Variants in CYB5R4 observed in about 807,000 individuals in gnomAD.
The protein encoded by CYB5R4 is cytochrome b5 reductase 4.
CYB5R4 carries 55 observed loss-of-function variants against 70.2 expected under a neutral mutation model. That is an observed-to-expected ratio of 0.78 (90% confidence interval 0.63 to 0.98). The LOEUF is 0.98. CYB5R4 is among the 50% of genes least tolerant of loss of function. The probability of loss-of-function intolerance (pLI) is 0.00; values close to 1 mark genes in which losing one functional copy is unlikely to be tolerated. For synonymous variants in CYB5R4, 197 were observed against 199.5 expected (o/e 0.99, Z 0.11); for missense variants, 562 against 612.6 (o/e 0.92, Z 0.87).
chr6:83,949,716 G>A (rs1462932368), intron 14 of CYB5R4, among the ~76,000 whole-genome samples: 4 of 152,162 alleles, frequency 2.6e-5, no homozygotes, highest in Non-Finnish European at 4.4e-5. Flanking sequence ...CTTGTCCGCA[G>A]AGTTTATCTA....
intron 3 of CYB5R4, among the ~76,000 whole-genome samples, chr6:83,896,016 C>T (rs781205224): frequency 3.9e-5 from 6 of 152,138 alleles, no homozygotes; most frequent in African/African-American, 9.7e-5. Flanking sequence ...TACTTCAACT[C>T]ATTATGCCCT....
chr6:83,885,567 A>T (rs1416644951), intron 2 of CYB5R4, among the ~76,000 whole-genome samples: 2 of 152,236 alleles, frequency 1.3e-5, no homozygotes, highest in Non-Finnish European at 2.9e-5. Context: ...TCTGGAAGAT[A>T]GATTAGTAGG....
chr6:83,947,994 A>G (rs568517214), intron 14 of CYB5R4, among the ~76,000 whole-genome samples: 4 of 152,342 alleles, frequency 2.6e-5, no homozygotes, highest in Admixed American at 2.6e-4. Context: ...CAGAAATACC[A>G]TTTGACCCAG....
intron 2 of CYB5R4, among the ~76,000 whole-genome samples, chr6:83,892,371 G>A (rs2099461239): frequency 6.6e-6 from 1 of 152,066 alleles, no homozygotes; most frequent in South Asian, 2.1e-4. Context: ...TAAGTTATCT[G>A]AGGTTATTTA....
At chr6:83,860,403 C>T (rs2099455747) in intron 1 of CYB5R4, among the ~76,000 whole-genome samples, 1 of 152,106 alleles carries the variant, frequency 6.6e-6, no homozygotes, top group South Asian at 2.1e-4. Context: ...TCCTCTGGTA[C>T]CTGATTGTTT....
At chr6:83,913,016 A>G (rs1215606446) in intron 4 of CYB5R4, among the ~76,000 whole-genome samples, 2 of 152,182 alleles carry the variant, frequency 1.3e-5, no homozygotes, top group South Asian at 2.1e-4. Context: ...ACCTGGGACA[A>G]TTTTTCAAAA....
At chr6:83,944,503 G>A in intron 14 of CYB5R4, among the ~76,000 whole-genome samples, 1 of 152,130 alleles carries the variant, frequency 6.6e-6, no homozygotes. Context: ...AAAGACCATT[G>A]AAACTATGAA....
chr6:83,910,011 G>A, intron 4 of CYB5R4: 2 of 1,608,216 alleles, frequency 1.2e-6, no homozygotes, highest in Non-Finnish European at 1.7e-6. Context: ...TGGTATTAGT[G>A]GCACATACAT....
chr6:83,951,505 A>G (rs909408889), intron 14 of CYB5R4, among the ~76,000 whole-genome samples: 3 of 151,608 alleles, frequency 2.0e-5, no homozygotes, highest in African/African-American at 7.3e-5. Context: ...TTATTGTTCA[A>G]CTCCCACTTA....
Position 83,960,084 on chromosome 6 carries a change from C to T in CYB5R4, c.*206C>T, listed in dbSNP as rs1183445033. 2.5e-6 allele frequency: 1 copy of T among 398,662 alleles called. No individual in the cohort carries two copies. Among genetic ancestry groups the T allele is most frequent in the East Asian group, 4.4e-5 (1 of 22,768 alleles). The allele number at this position is 398,662 out of a possible 1,614,324, so 24.7% of individuals were successfully genotyped here. On this transcript the variant is annotated 3_prime_UTR_variant, in exon 16 of 16. Transcript: ENST00000369681. ...ACTTATTTTACTACTGATATTTGAC[C>T]TGGAAAGTTAATCATGGCAACAAAT...
chr6:83,921,035 G>A, intron 7 of CYB5R4, 47 bp from the exon 8 acceptor site: 1 of 1,351,712 alleles, frequency 7.4e-7, no homozygotes, highest in Non-Finnish European at 9.9e-7. Context: ...AGAAGTTTGG[G>A]GGAAAATTTT....
chr6:83,943,484 G>T (rs2099470083), intron 14 of CYB5R4, among the ~76,000 whole-genome samples: 1 of 152,102 alleles, frequency 6.6e-6, no homozygotes, highest in African/African-American at 2.4e-5. Context: ...AAGACCAAAG[G>T]TAGATAAATC....
At chr6:83,928,388 C>CA (rs1320580792) in intron 10 of CYB5R4, among the ~76,000 whole-genome samples, 1 of 152,134 alleles carries the variant, frequency 6.6e-6, no homozygotes, top group African/African-American at 2.4e-5. Context: ...ACAAACTAAA[C>CA]ATGTTTTGTG....
At chr6:83,867,442 C>T (rs1478337192) in intron 2 of CYB5R4, among the ~76,000 whole-genome samples, 1 of 152,144 alleles carries the variant, frequency 6.6e-6, no homozygotes, top group Non-Finnish European at 1.5e-5. Flanking sequence ...GCAGTGTGTA[C>T]TCTTGAAGGG....
At chr6:83,895,467 G>A (rs1160000547) in intron 3 of CYB5R4, among the ~76,000 whole-genome samples, 2 of 152,052 alleles carry the variant, frequency 1.3e-5, no homozygotes, top group African/African-American at 2.4e-5. Context: ...CGCCTGGCCT[G>A]GTATTTGTTA....
intron 2 of CYB5R4, among the ~76,000 whole-genome samples, chr6:83,875,438 C>T (rs767232717): frequency 2.6e-5 from 4 of 152,092 alleles, no homozygotes; most frequent in Non-Finnish European, 5.9e-5. Context: ...AGGACCACCA[C>T]CACTTACCCA....
chr6:83,919,449 C>A lies in CYB5R4; in HGVS notation c.559C>A (p.Gln187Lys). 1 of 1,477,864 alleles carries A rather than the reference C, an allele frequency of 6.8e-7. No individual in the cohort carries two copies. Among genetic ancestry groups the A allele is most frequent in the Non-Finnish European group, 9.2e-7 (1 of 1,081,908 alleles). 91.5% of individuals were successfully genotyped at this position (1,477,864 alleles called of 1,614,324 possible). A position where few individuals can be genotyped will look rare whatever the true frequency, so the allele number is the denominator to read the frequency against. The part of the protein sequence containing the change: ...SLVTIAIYTK[Q>K]KDINLDSIIV... ...AGTCACCATTGCCATATATACTAAA[C>A]AGAAGGTAAATATGTCTTTAAAATC... Residue 187 changes from glutamine (Q) to lysine (K), a missense_variant, in exon 7 of 16, where the codon CAG becomes AAG. Gln to Lys is a moderately conservative substitution (Grantham distance 53). Transcript: ENST00000369681.
intron 10 of CYB5R4, among the ~76,000 whole-genome samples, chr6:83,934,334 T>C (rs527813904): frequency 6.6e-6 from 1 of 152,160 alleles, no homozygotes; most frequent in South Asian, 2.1e-4. Flanking sequence ...CATGCTATAA[T>C]AACAGATATG....
intron 4 of CYB5R4, chr6:83,910,128 G>T (rs1318106661): frequency 6.2e-7 from 1 of 1,610,924 alleles, no homozygotes. Flanking sequence ...ATAGTGGGCT[G>T]AGACATTACT....
Sources: gnomAD v4.1 joint callset for allele counts (sites outside exome capture counted in the v4.1 genomes callset) on GRCh38, gnomAD v4.1.1 for gene constraint, MANE v1.5 for transcripts, NCBI Gene and HGNC (gene_info 2026-07-23, HGNC 2026-07-21) for gene names.